The following GAS7 variants were observed in gnomAD, a reference collection of about 807,000 sequenced individuals.
GAS7 encodes the protein growth arrest specific 7.
In GAS7, 28 loss-of-function variants were observed where a neutral mutation model predicts 71.1. The ratio of observed to expected loss-of-function variants is 0.39; its 90% CI spans 0.29 to 0.54. The LOEUF (loss-of-function observed/expected upper bound fraction) is 0.54, where lower values mean the gene tolerates loss of function less well. Ranked by LOEUF, GAS7 falls within the 20% of genes least tolerant of loss-of-function variation. GAS7 has a pLI of 0.62. For missense variants in GAS7, 436 were observed against 627.8 expected, an observed-to-expected ratio of 0.69 and a Z score of 3.27; for synonymous variants, 258 against 245.8, an observed-to-expected ratio of 1.05 and a Z score of -0.46.
intron 1 of GAS7, among the ~76,000 whole-genome samples, chr17:10,143,873 T>C (rs985885694): frequency 3.9e-5 from 6 of 152,224 alleles, no homozygotes; most frequent in Admixed American, 3.9e-4. Context: ...TCAGGTTGCA[T>C]GGGCAAGGAG....
intron 1 of GAS7, among the ~76,000 whole-genome samples, chr17:10,170,974 G>T (rs988019292): frequency 1.3e-5 from 2 of 152,138 alleles, no homozygotes; most frequent in South Asian, 4.1e-4. Context: ...GAACCACTGG[G>T]ATCAATTGTC....
chr17:9,915,852 A>AG lies in GAS7; in HGVS notation c.*1375dup. 4.3e-6 allele frequency: 1 copy of AG among 231,776 alleles called. No individual in the cohort carries two copies. Among genetic ancestry groups the AG allele is most frequent in the Non-Finnish European group, 8.5e-6 (1 of 117,120 alleles). The allele number at this position is 231,776 out of a possible 1,614,324, so 14.4% of individuals were successfully genotyped here. A position where few individuals can be genotyped will look rare whatever the true frequency, so the allele number is the denominator to read the frequency against. On this transcript the variant is annotated 3_prime_UTR_variant, in exon 14 of 14. Transcript: ENST00000432992. ...TAGACTCTTTAGACTGACATGGTGG[A>AG]GAATGTGTTTGCTGTGGTAGAGAAA... is the stretch of plus-strand genomic sequence containing the variant.
At chr17:9,986,469 A>AT (rs2070653199) in intron 2 of GAS7, among the ~76,000 whole-genome samples, 1 of 152,146 alleles carries the variant, frequency 6.6e-6, no homozygotes, top group Non-Finnish European at 1.5e-5. Flanking sequence ...CATCTGGACT[A>AT]TTGAACAGAG....
chr17:10,027,148 T>C (rs879725192), intron 1 of GAS7: 1 of 152,158 alleles, frequency 6.6e-6, no homozygotes, highest in Non-Finnish European at 1.5e-5. Flanking sequence ...AGAAACAGAC[T>C]ATAAGATTCG....
chr17:10,127,724 CCA>C (rs2073961976), intron 1 of GAS7, among the ~76,000 whole-genome samples: 1 of 152,214 alleles, frequency 6.6e-6, no homozygotes, highest in East Asian at 1.9e-4. Flanking sequence ...TGAACCGACC[CCA>C]GTCTCTGTCC....
chr17:10,040,596 C>T (rs77898187), intron 1 of GAS7, among the ~76,000 whole-genome samples: 11 of 149,602 alleles, frequency 7.4e-5, no homozygotes, highest in Non-Finnish European at 1.6e-4. Context: ...TCTCTCCCCC[C>T]TCTCACCCAT....
At chr17:10,064,381 G>A (rs1427942170) in intron 1 of GAS7, among the ~76,000 whole-genome samples, 1 of 152,194 alleles carries the variant, frequency 6.6e-6, no homozygotes, top group Non-Finnish European at 1.5e-5. Context: ...CTGCCCAGCA[G>A]GCCATACGTA....
At chr17:9,938,609 C>A (rs1364976450) in intron 8 of GAS7, among the ~76,000 whole-genome samples, 1 of 151,774 alleles carries the variant, frequency 6.6e-6, no homozygotes, top group African/African-American at 2.4e-5. Flanking sequence ...CCTTACCAGG[C>A]ACCAACCCTG....
At chr17:10,099,041 G>T (rs2073672192) in intron 1 of GAS7, among the ~76,000 whole-genome samples, 1 of 152,150 alleles carries the variant, frequency 6.6e-6, no homozygotes, top group African/African-American at 2.4e-5. Context: ...GTGAGAGATG[G>T]GTACCGAATG....
Position 10,016,523 on chromosome 17 carries a change from T to A in GAS7, c.304+3254A>T, listed in dbSNP as rs1378877958. ...CGAGCACGGTGGCTCATGCCTATAA[T>A]CTCAGCACTTTGGGAAGCAGAAGTA... is the stretch of plus-strand genomic sequence containing the variant. On this transcript the variant is annotated intron_variant, in intron 2 of 13. Coordinates refer to ENST00000432992, the MANE Select transcript of GAS7 (RefSeq NM_201433.2). 6.3e-5 allele frequency among the ~76,000 whole-genome samples: 9 copies of A among 141,788 alleles called. No homozygotes were observed. The East Asian group carries it at 1.8e-3, about 29-fold the overall frequency. The allele number at this position is 141,788 out of a possible 152,430, so 93.0% of individuals were successfully genotyped here.
chr17:10,159,585 C>T (rs1461268513), intron 1 of GAS7, among the ~76,000 whole-genome samples: 3 of 152,110 alleles, frequency 2.0e-5, no homozygotes, highest in Non-Finnish European at 4.4e-5. Flanking sequence ...CTTCTCTATG[C>T]TCAGTTTATG....
At chr17:9,993,512 T>A (rs2070923078) in intron 2 of GAS7, among the ~76,000 whole-genome samples, 1 of 152,078 alleles carries the variant, frequency 6.6e-6, no homozygotes, top group African/African-American at 2.4e-5. Context: ...ATAAATTAGG[T>A]ATTGATGGGA....
chr17:10,090,326 G>A (rs1029212958), intron 1 of GAS7, among the ~76,000 whole-genome samples: 1 of 152,174 alleles, frequency 6.6e-6, no homozygotes, highest in Non-Finnish European at 1.5e-5. Flanking sequence ...TCAGTTTACA[G>A]CATGGAAAAT....
intron 1 of GAS7, among the ~76,000 whole-genome samples, chr17:10,123,576 T>C (rs777496345): frequency 1.5e-4 from 23 of 152,194 alleles, no homozygotes; most frequent in Admixed American, 3.9e-4. Context: ...AAAACTCTGA[T>C]CATCACTCAA....
intron 1 of GAS7, among the ~76,000 whole-genome samples, chr17:10,074,807 AT>A (rs11347230): frequency 0.55 from 83,432 of 151,934 alleles, 23,760 homozygotes; most frequent in African/African-American, 0.7. Context: ...AAGAAAAACA[AT>A]TGGGAGAAGA....
intron 1 of GAS7, among the ~76,000 whole-genome samples, chr17:10,179,010 T>G (rs1235139953): frequency 1.3e-5 from 2 of 151,930 alleles, no homozygotes; most frequent in Non-Finnish European, 1.5e-5. Context: ...CAATGTCCCC[T>G]CTGCCATGTC....
chr17:10,087,300 C>A (rs1217632016), intron 1 of GAS7, among the ~76,000 whole-genome samples: 1 of 152,214 alleles, frequency 6.6e-6, no homozygotes, highest in Non-Finnish European at 1.5e-5. Context: ...TAGAGAAGAA[C>A]TGGCCCAGCA....
At chr17:10,046,154 C>T (rs1177866571) in intron 1 of GAS7, among the ~76,000 whole-genome samples, 2 of 151,966 alleles carry the variant, frequency 1.3e-5, no homozygotes, top group Non-Finnish European at 2.9e-5. Context: ...ATCCAGAAAA[C>T]TGAACTTGAA....
intron 1 of GAS7, among the ~76,000 whole-genome samples, chr17:10,054,704 C>A (rs938165249): frequency 6.6e-6 from 1 of 152,196 alleles, no homozygotes; most frequent in East Asian, 1.9e-4. Context: ...CCAATCAGCA[C>A]GTCTGCTCCA....
Sources: allele counts gnomAD v4.1 joint callset (sites outside exome capture counted in the v4.1 genomes callset), GRCh38; gene constraint gnomAD v4.1.1; transcripts MANE v1.5; gene names NCBI Gene and HGNC (gene_info 2026-07-23, HGNC 2026-07-21).